Variants in SLC25A3 observed in about 807,000 individuals in gnomAD.
SLC25A3 encodes the protein phosphate transport protein.
SLC25A3 carries 14 observed loss-of-function variants against 37.1 expected under a neutral mutation model. That is an observed-to-expected ratio of 0.38 (90% CI 0.25 to 0.59). SLC25A3 has a LOEUF of 0.59. SLC25A3 is among the 20% of genes least tolerant of loss of function. The pLI, the probability that SLC25A3 is intolerant of heterozygous loss-of-function variation, is 0.67. For missense variants in SLC25A3, 385 were observed against 458.1 expected (o/e 0.84, Z 1.46); for synonymous variants, 161 against 168.7 (o/e 0.95, Z 0.36).
At position 98,600,072 on chromosome 12, in the gene SLC25A3, C is replaced by G. The variant is rs768057853; in HGVS notation, c.759C>G (p.Arg253=). The G allele has an allele frequency of 4.3e-5, 70 of 1,614,156 alleles. 1 individual carries two copies. The South Asian group carries it at 7.5e-4, about 17-fold the overall frequency. The part of the protein sequence containing the change: ...ALYKFVVPKP[R]SECSKPEQLV... ...ACAAGTTTGTGGTTCCTAAGCCCCG[C>G]AGTGAATGTTCAAAGCCAGAGCAGC... The change falls in exon 6 of 8, where the codon CGC becomes CGG. Residue 253 remains arginine (R), a synonymous_variant. Transcript: ENST00000552981.
At chr12:98,593,790 A>G in intron 1 of SLC25A3, 50 bp downstream of exon 1, 1 of 642,112 alleles carries the variant, frequency 1.6e-6, no homozygotes, top group Non-Finnish European at 2.7e-6. Flanking sequence ...AGCGGAGCCC[A>G]GAGCTCCTGT....
chr12:98,600,142 G>A lies in SLC25A3; in HGVS notation c.814+15G>A. On this transcript the variant is annotated intron_variant, in intron 6 of 7. Transcript: ENST00000552981. The stretch of plus-strand genomic sequence containing the variant: ...AGGTTACATAGGTACGAATTACTTA[G>A]AACACACTTGTCTGAAATTATGAAC... The A allele has an allele frequency of 6.9e-7, 1 of 1,452,530 alleles. No individual in the cohort carries two copies. The highest frequency in any genetic ancestry group is 9.7e-7 in the Non-Finnish European group (1 of 1,032,312). The allele number at this position is 1,452,530 out of a possible 1,614,324, so 90.0% of individuals were successfully genotyped here.
intron 3 of SLC25A3, among the ~76,000 whole-genome samples, 193 bp downstream of exon 3, chr12:98,596,041 T>C (rs2097592742): frequency 6.6e-6 from 1 of 152,226 alleles, no homozygotes; most frequent in Non-Finnish European, 1.5e-5. Context: ...TTTGAGTAAA[T>C]TGTTCACTTT....
intron 2 of SLC25A3, chr12:98,594,724 G>T (rs976008110): frequency 3.6e-6 from 1 of 276,398 alleles, no homozygotes; most frequent in Admixed American, 5.0e-5. Context: ...GGGATTCTTG[G>T]TGGTTGGGCC....
rs755428090 is a variant in SLC25A3 at position 98,595,569 on chromosome 12, A to G, written c.158-158A>G. The G allele has an allele frequency of 3.7e-6, 6 of 1,614,112 alleles. No individual in the cohort carries two copies. The Admixed American group carries it at 1.0e-4, about 27-fold the overall frequency. On this transcript the variant is annotated intron_variant, in intron 2 of 7. Transcript: ENST00000552981. ...AATGCAGAATGCAGGTTTGTTTTGC[A>G]TGCTGGACTAGAGCATATTGAAGCA...
In SLC25A3 at chr12:98,606,039, G is replaced by A. The variant is rs2097601033; in HGVS notation, c.*4511G>A. On this transcript the variant is annotated 3_prime_UTR_variant, in exon 8 of 8. Transcript: ENST00000552981. ...CTGAAGGAGGATCGTCTGAGCCCAG[G>A]AGTTTGAGGCTGCAATGAGCTACAA... The A allele has an allele frequency of 6.6e-6, 1 of 151,982 alleles. No homozygotes were observed. Among genetic ancestry groups the A allele is most frequent in the East Asian group, 1.9e-4 (1 of 5,188 alleles). 9.4% of individuals were successfully genotyped at this position (151,982 alleles called of 1,614,324 possible). A position where few individuals can be genotyped will look rare whatever the true frequency, so the allele number is the denominator to read the frequency against.
intron 3 of SLC25A3, 109 bp from the exon 4 acceptor site, chr12:98,597,747 T>A (rs893406968): frequency 4.1e-6 from 6 of 1,473,508 alleles, no homozygotes; most frequent in Non-Finnish European, 5.5e-6. Context: ...TTACCTTTTG[T>A]GTAGTTGCTG....
Position 98,593,958 on chromosome 12 carries a change from G to C in SLC25A3, c.-4-17G>C. The C allele has an allele frequency of 1.2e-6, 2 of 1,613,778 alleles. No individual in the cohort carries two copies. Among genetic ancestry groups the C allele is most frequent in the Non-Finnish European group, 1.7e-6 (2 of 1,179,840 alleles). Reference sequence around the variant, plus strand: ...GCGCCTTGCCTGTCCTCTAACCGTCGCTCCCTCCTCCCCTAGAAAGATGTT... The same window carrying C: ...GCGCCTTGCCTGTCCTCTAACCGTCCCTCCCTCCTCCCCTAGAAAGATGTT... On this transcript the variant is annotated splice_polypyrimidine_tract_variant and intron_variant, in intron 1 of 7. Transcript: ENST00000552981.
chr12:98,593,741 G>C lies in SLC25A3; in HGVS notation c.-5+1G>C. 3.3e-6 allele frequency: 2 copies of C among 599,000 alleles called. No individual in the cohort carries two copies. The highest frequency in any genetic ancestry group is 5.9e-6 in the Non-Finnish European group (2 of 336,222). 37.1% of individuals were successfully genotyped at this position (599,000 alleles called of 1,614,324 possible). A position where few individuals can be genotyped will look rare whatever the true frequency, so the allele number is the denominator to read the frequency against. On this transcript the variant is annotated splice_donor_variant, in intron 1 of 7. Coordinates refer to ENST00000552981, the MANE Select transcript of SLC25A3 (RefSeq NM_002635.4). LOFTEE classifies it low-confidence loss of function (5UTR_SPLICE). ...GGTTGTGTGATCGCCATCTTAGGGAGTGAGTGTGGCCGGGCCTTCTCCTGT... is the reference window on the plus strand; with the variant it reads ...GGTTGTGTGATCGCCATCTTAGGGACTGAGTGTGGCCGGGCCTTCTCCTGT...
chr12:98,593,857 G>T, intron 1 of SLC25A3, 117 bp downstream of exon 1: 1 of 1,184,394 alleles, frequency 8.4e-7, no homozygotes. Flanking sequence ...GAAGGCCGCC[G>T]TGACCTCTTC....
chr12:98,594,244 G>A (rs1322487989), intron 2 of SLC25A3, 109 bp downstream of exon 2: 2 of 948,278 alleles, frequency 2.1e-6, no homozygotes, highest in Non-Finnish European at 3.3e-6. Flanking sequence ...CCAGCCCGCT[G>A]CACCGTAGGA....
intron 3 of SLC25A3, among the ~76,000 whole-genome samples, chr12:98,596,270 G>A (rs2097592897): frequency 6.6e-6 from 1 of 152,146 alleles, no homozygotes; most frequent in Non-Finnish European, 1.5e-5. Flanking sequence ...TAATATCTTA[G>A]TATGAAAATT....
rs71436922 is a variant in SLC25A3 at position 98,604,263 on chromosome 12, A to AATATATATATATATATATATATATATAT, written c.*2759_*2760insATATATATATATATATATATATATATAT. 1 of 134,592 alleles carries AATATATATATATATATATATATATATAT rather than the reference A, an allele frequency of 7.4e-6. No individual in the cohort carries two copies. The highest frequency in any genetic ancestry group is 2.9e-5 in the African/African-American group (1 of 34,844). The allele number at this position is 134,592 out of a possible 1,614,324, so 8.3% of individuals were successfully genotyped here. A position where few individuals can be genotyped will look rare whatever the true frequency, so the allele number is the denominator to read the frequency against. On this transcript the variant is annotated 3_prime_UTR_variant, in exon 8 of 8. Transcript: ENST00000552981. The stretch of plus-strand genomic sequence containing the variant: ...GCGAAACTCTGTCTCAAAAAAAAAA[A>AATATATATATATATATATATATATATAT]ATATATATATATATATATATATATG...
At chr12:98,594,343 G>A in intron 2 of SLC25A3, 1 of 703,570 alleles carries the variant, frequency 1.4e-6, no homozygotes, top group Non-Finnish European at 2.6e-6. Context: ...GCGTGGAAGC[G>A]CTGAGGCCCT....
Position 98,596,509 on chromosome 12 carries a change from C to T in SLC25A3, c.279+661C>T, listed in dbSNP as rs981797228. ...CAGAAATAGATAAGCTTTTCCTCCCCCCCCATTAGTTAATGTAATGGATAT... is the reference window on the plus strand; with the variant it reads ...CAGAAATAGATAAGCTTTTCCTCCCTCCCCATTAGTTAATGTAATGGATAT... On this transcript the variant is annotated intron_variant, in intron 3 of 7. Transcript: ENST00000552981. Among the ~76,000 whole-genome samples, 8 of 152,062 alleles carry T rather than the reference C, an allele frequency of 5.3e-5. No homozygotes were observed. The South Asian group carries it at 6.2e-4, about 12-fold the overall frequency.
At position 98,601,547 on chromosome 12, in the gene SLC25A3, G is replaced by T; in HGVS notation, c.*19G>T. On this transcript the variant is annotated 3_prime_UTR_variant, in exon 8 of 8. Coordinates refer to ENST00000552981, the MANE Select transcript of SLC25A3 (RefSeq NM_002635.4). Reference sequence around the variant, plus strand: ...TCAGTAGTTAGATCAAAGCAAATGTGGACTGAATCTGCTTGTTGATCAGTG... The same window carrying T: ...TCAGTAGTTAGATCAAAGCAAATGTTGACTGAATCTGCTTGTTGATCAGTG... 6.8e-7 allele frequency: 1 copy of T among 1,470,538 alleles called. No individual in the cohort carries two copies. The highest frequency in any genetic ancestry group is 9.5e-7 in the Non-Finnish European group (1 of 1,049,052). The allele number at this position is 1,470,538 out of a possible 1,614,324, so 91.1% of individuals were successfully genotyped here.
At chr12:98,599,757 C>G (rs756694495) in intron 5 of SLC25A3, 198 bp from the exon 6 acceptor site, 4 of 754,676 alleles carry the variant, frequency 5.3e-6, no homozygotes, top group Non-Finnish European at 9.6e-6. Context: ...GTTGTATAGT[C>G]AAAGGTGCTT....
rs1053619934 is a variant in SLC25A3, at chr12:98,602,648, A to C, written c.*1120A>C. 9 of 152,204 alleles carry C rather than the reference A, an allele frequency of 5.9e-5. No homozygotes were observed. The highest frequency in any genetic ancestry group is 1.9e-4 in the African/African-American group (8 of 41,454). The allele number at this position is 152,204 out of a possible 1,614,324, so 9.4% of individuals were successfully genotyped here. Reference sequence around the variant, plus strand: ...AGAAAGTGAATTAGTTTTTGTGTTTAGATTCCCCTTAAGTTTGATTAGGAA... The same window carrying C: ...AGAAAGTGAATTAGTTTTTGTGTTTCGATTCCCCTTAAGTTTGATTAGGAA... On this transcript the variant is annotated 3_prime_UTR_variant, in exon 8 of 8. Transcript: ENST00000552981.
At chr12:98,598,414 T>C in intron 4 of SLC25A3, 108 bp from the exon 5 acceptor site, 2 of 1,554,566 alleles carry the variant, frequency 1.3e-6, no homozygotes, top group Non-Finnish European at 1.8e-6. Flanking sequence ...TATCATCGTG[T>C]GTTACTTTAT....
Sources: allele counts gnomAD v4.1 joint callset (sites outside exome capture counted in the v4.1 genomes callset), GRCh38; gene constraint gnomAD v4.1.1; transcripts MANE v1.5; gene names NCBI Gene and HGNC (gene_info 2026-07-23, HGNC 2026-07-21).